HNF4A: variants seen among roughly 807,000 people sequenced by gnomAD.
HNF4A encodes hepatocyte nuclear factor 4-alpha.
Under a neutral mutation model 52.4 loss-of-function variants are expected in HNF4A, and 15 were observed. The observed-to-expected ratio is 0.29, with a 90% CI of 0.19 to 0.44. The LOEUF is 0.44. Among genes scored for constraint, HNF4A ranks in the 20% least tolerant of loss-of-function variants. The pLI is 1.00. For synonymous variants in HNF4A, 280 were observed against 264.4 expected (o/e 1.06, Z -0.57); for missense variants, 479 against 647.2 (o/e 0.74, Z 2.82).
intron 1 of HNF4A, chr20:44,372,705 C>T (rs1301480440): frequency 2.0e-5 from 3 of 151,846 alleles, no homozygotes; most frequent in African/African-American, 7.3e-5. Flanking sequence ...TATAGTTTTT[C>T]TGGAGATGAG....
chr20:44,373,890 A>G (rs2063058814), intron 1 of HNF4A, among the ~76,000 whole-genome samples: 2 of 151,860 alleles, frequency 1.3e-5, no homozygotes, highest in South Asian at 2.1e-4. Flanking sequence ...GGGTTTCACC[A>G]TGTTGGCCAG....
At chr20:44,390,638 G>A in intron 1 of HNF4A, 1 of 702,542 alleles carries the variant, frequency 1.4e-6, no homozygotes, top group Non-Finnish European at 2.6e-6. Flanking sequence ...AGCAGGAGGA[G>A]GATGTCGGAC....
At position 44,429,608 on chromosome 20, in the gene HNF4A, CGTCAA is replaced by C; in HGVS notation, c.1370_1374del (p.Val457AlafsTer48). On this transcript the variant is annotated frameshift_variant, in exon 10 of 10. Coordinates refer to ENST00000316099, the MANE Select transcript of HNF4A (RefSeq NM_000457.6). LOFTEE classifies it high-confidence loss of function. ...TCCTGCCGGGAGCCGTCGCCACAAT[CGTCAA>C]GCCCCTCTCTGCCATCCCCCAGCCG... The C allele has an allele frequency of 6.2e-7, 1 of 1,614,076 alleles. No homozygotes were observed. Among genetic ancestry groups the C allele is most frequent in the Non-Finnish European group, 8.5e-7 (1 of 1,180,008 alleles).
intron 1 of HNF4A, among the ~76,000 whole-genome samples, chr20:44,358,333 G>A (rs2062881108): frequency 6.6e-6 from 1 of 152,062 alleles, no homozygotes; most frequent in Non-Finnish European, 1.5e-5. Flanking sequence ...TCCCAGGCTG[G>A]GTGCAGTGGC....
At chr20:44,400,949 A>G (rs963830035), upstream of HNF4A, among the ~76,000 whole-genome samples, 8 of 152,082 alleles carry the variant, frequency 5.3e-5, no homozygotes, top group Non-Finnish European at 8.8e-5. Context: ...TATCAGTTAG[A>G]ATGCCTGACT....
chr20:44,414,475 C>A, intron 4 of HNF4A, 32 bp from the exon 5 acceptor site: 1 of 1,614,170 alleles, frequency 6.2e-7, no homozygotes, highest in Non-Finnish European at 8.5e-7. Flanking sequence ...GCCCGGACAT[C>A]TCCAGCATTT....
At position 44,430,865 on chromosome 20, in the gene HNF4A, C is replaced by G. The variant is rs1486430306; in HGVS notation, c.*1200C>G. 6.6e-6 allele frequency: 1 copy of G among 152,312 alleles called. No individual in the cohort carries two copies. Among genetic ancestry groups the G allele is most frequent in the Non-Finnish European group, 1.5e-5 (1 of 68,144 alleles). The allele number at this position is 152,312 out of a possible 1,614,324, so 9.4% of individuals were successfully genotyped here. On this transcript the variant is annotated 3_prime_UTR_variant, in exon 10 of 10. Coordinates refer to ENST00000316099, the MANE Select transcript of HNF4A (RefSeq NM_000457.6). The stretch of plus-strand genomic sequence containing the variant: ...GTAAACCCTCACATCAGAGTGACAT[C>G]CAGGAGGAATAAGCTCCCAGGGCCT...
chr20:44,421,503 C>T (rs2063743589), intron 7 of HNF4A, among the ~76,000 whole-genome samples: 1 of 151,982 alleles, frequency 6.6e-6, no homozygotes, highest in Admixed American at 6.6e-5. Context: ...CCTGTAATCC[C>T]AGCACTTTGG....
intron 1 of HNF4A, among the ~76,000 whole-genome samples, chr20:44,388,092 T>A (rs1046214482): frequency 3.0e-4 from 37 of 125,004 alleles, no homozygotes; most frequent in Non-Finnish European, 4.9e-4. Context: ...ACACATTAAT[T>A]TTTTTTTTTA....
At chr20:44,362,460 G>A (rs1027984858) in intron 1 of HNF4A, among the ~76,000 whole-genome samples, 3 of 147,736 alleles carry the variant, frequency 2.0e-5, no homozygotes, top group African/African-American at 5.0e-5. Flanking sequence ...AGATGCTTAA[G>A]TGAAGGAATT....
intron 3 of HNF4A, among the ~76,000 whole-genome samples, chr20:44,407,910 C>T (rs1048162504): frequency 3.5e-4 from 53 of 152,296 alleles, no homozygotes; most frequent in African/African-American, 1.2e-3. Context: ...CCTGAGCTTC[C>T]GGTCCCAGGG....
At chr20:44,369,265 A>AC in intron 1 of HNF4A, among the ~76,000 whole-genome samples, 1 of 148,250 alleles carries the variant, frequency 6.7e-6, no homozygotes, top group African/African-American at 2.5e-5. Flanking sequence ...AAAAAAAAAA[A>AC]AAAAAAAAAA....
rs73909508 is a variant in HNF4A at position 44,424,500 on chromosome 20, A to C, written c.1129+246A>C. The C allele has an allele frequency of 1.0e-3, 1,032 of 1,022,706 alleles. 5 individuals carry two copies. The African/African-American group carries it at 0.014, about 14-fold the overall frequency. The allele number at this position is 1,022,706 out of a possible 1,614,324, so 63.4% of individuals were successfully genotyped here. On this transcript the variant is annotated intron_variant, in intron 8 of 9. Coordinates refer to ENST00000316099, the MANE Select transcript of HNF4A (RefSeq NM_000457.6). ...TCTAAGTGCTGGCAATTCAGCAAAGAACAAGATCTTTGCCCTCGGGGAGGC... is the reference window on the plus strand; with the variant it reads ...TCTAAGTGCTGGCAATTCAGCAAAGCACAAGATCTTTGCCCTCGGGGAGGC...
chr20:44,404,471 CGT>C (rs372901574), intron 1 of HNF4A, among the ~76,000 whole-genome samples: 127 of 151,308 alleles, frequency 8.4e-4, no homozygotes, highest in African/African-American at 2.6e-3. Flanking sequence ...TATGAATACA[CGT>C]GTGTGTGTGT....
At chr20:44,389,602 A>G (rs1364756995) in intron 1 of HNF4A, 1 of 152,232 alleles carries the variant, frequency 6.6e-6, no homozygotes, top group African/African-American at 2.4e-5. Context: ...AAGGTGCTGA[A>G]TAAATGTTGA....
Position 44,382,249 on chromosome 20 carries a change from T to TTTC in HNF4A, c.50-23807_50-23806insCTT, listed in dbSNP as rs1568700527. 3.3e-3 allele frequency among the ~76,000 whole-genome samples: 490 copies of TTTC among 149,296 alleles called. 2 individuals are homozygous for TTTC. The highest frequency in any genetic ancestry group is 0.026 in the South Asian group (121 of 4,722). The stretch of plus-strand genomic sequence containing the variant: ...GCTTTCTTTCTTTCTTTCTTTCTTT[T>TTTC]TTTTTTTTGAGACGAACTCTCGCTC... On this transcript the variant is annotated intron_variant, in intron 1 of 9. Transcript: ENST00000316673.
intron 7 of HNF4A, among the ~76,000 whole-genome samples, chr20:44,420,378 C>T (rs188445383): frequency 1.2e-4 from 19 of 152,196 alleles, no homozygotes; most frequent in Non-Finnish European, 2.4e-4. Flanking sequence ...ACTCCAAAGG[C>T]CTGGGCTTTC....
intron 2 of HNF4A, among the ~76,000 whole-genome samples, chr20:44,406,779 C>T (rs1419754004): frequency 1.3e-5 from 2 of 152,234 alleles, no homozygotes; most frequent in Non-Finnish European, 2.9e-5. Context: ...TGTGCCCCAT[C>T]GGCGCATGAC....
Position 44,418,626 on chromosome 20 carries a change from G to A in HNF4A, c.736+114G>A, listed in dbSNP as rs886221033. The A allele has an allele frequency of 1.0e-5, 8 of 787,626 alleles. No homozygotes were observed. In the African/African-American group the frequency reaches 1.2e-4, roughly 12 times the overall value. The allele number at this position is 787,626 out of a possible 1,614,324, so 48.8% of individuals were successfully genotyped here. ...TGCAAGGGTGAGGGAGACTAGTCAGGAGTGGCCCTGTCCTCAGGCTTGCAT... is the reference window on the plus strand; with the variant it reads ...TGCAAGGGTGAGGGAGACTAGTCAGAAGTGGCCCTGTCCTCAGGCTTGCAT... On this transcript the variant is annotated intron_variant, in intron 6 of 9. Transcript: ENST00000316099.
Sources: allele counts gnomAD v4.1 joint callset (sites outside exome capture counted in the v4.1 genomes callset), GRCh38; gene constraint gnomAD v4.1.1; transcripts MANE v1.5; gene names NCBI Gene and HGNC (gene_info 2026-07-23, HGNC 2026-07-21).